Variants in RIOX2 observed in about 807,000 individuals in gnomAD.
RIOX2 encodes the protein 60S ribosomal protein L27a histidine hydroxylase.
RIOX2 carries 43 observed loss-of-function variants against 51.2 expected under a neutral mutation model. The ratio of observed to expected loss-of-function variants is 0.84; its 90% CI spans 0.66 to 1.08. The LOEUF (loss-of-function observed/expected upper bound fraction) is 1.08. Ranked by LOEUF, RIOX2 falls within the 50% of genes least tolerant of loss-of-function variation. The pLI, the probability that RIOX2 is intolerant of heterozygous loss-of-function variation, is 0.00. For missense variants in RIOX2, 566 were observed against 561.7 expected (o/e 1.01, Z -0.08); for synonymous variants, 226 against 218.5 (o/e 1.03, Z -0.30).
intron 8 of RIOX2, among the ~76,000 whole-genome samples, chr3:97,946,602 A>ATATATCTATATCTATATC (rs1553712271): frequency 1.5e-5 from 2 of 137,336 alleles, no homozygotes; most frequent in African/African-American, 5.3e-5. Flanking sequence ...ATATATATAT[A>ATATATCTATATCTATATC]TATATCTATT....
At chr3:97,959,271 T>A in intron 3 of RIOX2, 92 bp from the exon 4 acceptor site, 1 of 1,142,800 alleles carries the variant, frequency 8.8e-7, no homozygotes, top group South Asian at 1.7e-5. Context: ...AAGGGGCTAA[T>A]AGACAAATAT....
rs1705380607 is a variant in RIOX2 at position 97,954,443 on chromosome 3, G to C, written c.734C>G (p.Pro245Arg). The C allele has an allele frequency of 2.5e-6, 4 of 1,614,134 alleles. No homozygotes were observed. In the East Asian group the frequency reaches 8.9e-5, roughly 36 times the overall value. ...PRGTIHQADT[P>R]AGLAHSTHVT... ...GTGAGTAGAGTGGGCCAGCCCCGCAGGAGTGTCCGCTTGATGAATGGTTCC... is the reference window on the plus strand; with the variant it reads ...GTGAGTAGAGTGGGCCAGCCCCGCACGAGTGTCCGCTTGATGAATGGTTCC... The change falls in exon 5 of 10, where the codon CCT becomes CGT. Residue 245 changes from proline to arginine, a missense_variant. Pro to Arg is a moderately radical substitution (Grantham distance 103). Coordinates refer to ENST00000394198, the MANE Select transcript of RIOX2 (RefSeq NM_153182.4).
At chr3:97,947,496 G>T in intron 7 of RIOX2, 47 bp from the exon 8 acceptor site, 1 of 1,490,680 alleles carries the variant, frequency 6.7e-7, no homozygotes, top group South Asian at 1.1e-5. Context: ...AAAGGAAACA[G>T]GCAGATTCAA....
At chr3:97,952,158 A>C (rs752821524) in intron 5 of RIOX2, 2 of 1,288,650 alleles carry the variant, frequency 1.6e-6, no homozygotes, top group African/African-American at 3.0e-5. Context: ...TCACCTTTAC[A>C]TGGTACCTGA....
At chr3:97,948,341 T>C (rs1486801769) in intron 7 of RIOX2, among the ~76,000 whole-genome samples, 1 of 152,184 alleles carries the variant, frequency 6.6e-6, no homozygotes, top group Non-Finnish European at 1.5e-5. Context: ...TAAAAAATAC[T>C]CTTTTCACTC....
intron 8 of RIOX2, among the ~76,000 whole-genome samples, chr3:97,946,775 G>A (rs759597099): frequency 4.0e-5 from 6 of 151,748 alleles, no homozygotes; most frequent in East Asian, 1.9e-4. Flanking sequence ...GTATGAGATC[G>A]TTCCAAGGTC....
At chr3:97,947,124 C>T (rs2040384794) in intron 8 of RIOX2, among the ~76,000 whole-genome samples, 1 of 151,848 alleles carries the variant, frequency 6.6e-6, no homozygotes, top group African/African-American at 2.4e-5. Flanking sequence ...GAAGCAAAGA[C>T]CAGACATTAA....
chr3:97,953,886 C>A (rs1423397139), intron 5 of RIOX2: 1 of 153,824 alleles, frequency 6.5e-6, no homozygotes, highest in Non-Finnish European at 1.4e-5. Flanking sequence ...AAAAGAGAAA[C>A]CCTCAAAGAG....
intron 4 of RIOX2, among the ~76,000 whole-genome samples, chr3:97,956,518 C>T (rs1336177750): frequency 4.0e-5 from 6 of 148,576 alleles, no homozygotes; most frequent in Admixed American, 1.3e-4. Context: ...TTTTTTGAGA[C>T]GGAGTTTCGT....
At chr3:97,969,571 C>T (rs1377431707) in intron 1 of RIOX2, among the ~76,000 whole-genome samples, 1 of 152,194 alleles carries the variant, frequency 6.6e-6, no homozygotes, top group Admixed American at 6.5e-5. Context: ...CTAAAATGTA[C>T]AATCATTACA....
chr3:97,964,225 C>T (rs1290878175), intron 2 of RIOX2, among the ~76,000 whole-genome samples: 3 of 152,130 alleles, frequency 2.0e-5, no homozygotes, highest in South Asian at 2.1e-4. Flanking sequence ...TAGAAGACCA[C>T]GTATATGCCT....
At chr3:97,957,261 G>A (rs1450701697) in intron 4 of RIOX2, among the ~76,000 whole-genome samples, 1 of 152,140 alleles carries the variant, frequency 6.6e-6, no homozygotes, top group African/African-American at 2.4e-5. Flanking sequence ...CACTTTGGGA[G>A]GCCGAGGCAG....
At chr3:97,945,482 A>G in intron 9 of RIOX2, 140 bp from the exon 10 acceptor site, 2 of 742,868 alleles carry the variant, frequency 2.7e-6, no homozygotes, top group Non-Finnish European at 4.2e-6. Context: ...CAATTAGATA[A>G]CATAAAAGAT....
intron 8 of RIOX2, among the ~76,000 whole-genome samples, 179 bp downstream of exon 8, chr3:97,947,182 G>A (rs2040385989): frequency 6.6e-6 from 1 of 152,124 alleles, no homozygotes; most frequent in South Asian, 2.1e-4. Flanking sequence ...ATGAGGGCAA[G>A]AAAATATGGA....
intron 1 of RIOX2, chr3:97,972,087 T>C (rs1156261350): frequency 6.6e-6 from 1 of 152,052 alleles, no homozygotes; most frequent in African/African-American, 2.4e-5. Flanking sequence ...GTCACCGGTG[T>C]CGCGACCATT....
At position 97,967,185 on chromosome 3, in the gene RIOX2, A is replaced by T. The variant is rs1705920902; in HGVS notation, c.409T>A (p.Phe137Ile). Residue 137 changes from phenylalanine to isoleucine, a missense_variant, in exon 2 of 10, where the codon TTT (phenylalanine) becomes ATT (isoleucine). By Grantham distance (21) the Phe-to-Ile change is conservative. Coordinates refer to ENST00000394198, the MANE Select transcript of RIOX2 (RefSeq NM_153182.4). ...DFDQKRATIQ[F>I]HQPQRFKDEL... ...ACCTTAAATCTCTGAGGTTGGTGAA[A>T]CTGAATCGTTGCCCTTTTCTGATCA... is the stretch of plus-strand genomic sequence containing the variant. 1 of 1,613,866 alleles carries T rather than the reference A, an allele frequency of 6.2e-7. No individual in the cohort carries two copies. The highest frequency in any genetic ancestry group is 8.5e-7 in the Non-Finnish European group (1 of 1,179,914).
In RIOX2 at chr3:97,945,941, T is replaced by A. The variant is rs1287675421; in HGVS notation, c.1150-54A>T. 2.3e-6 allele frequency: 3 copies of A among 1,309,718 alleles called. No homozygotes were observed. The African/African-American group carries it at 4.3e-5, about 19-fold the overall frequency. The allele number at this position is 1,309,718 out of a possible 1,614,324, so 81.1% of individuals were successfully genotyped here. ...CATCAACAACACAACACTGAAGGTGTCAGTACTAGGAAGGTTTTCCAATAG... is the reference window on the plus strand; with the variant it reads ...CATCAACAACACAACACTGAAGGTGACAGTACTAGGAAGGTTTTCCAATAG... On this transcript the variant is annotated intron_variant, in intron 8 of 9. Coordinates refer to ENST00000394198, the MANE Select transcript of RIOX2 (RefSeq NM_153182.4).
intron 2 of RIOX2, among the ~76,000 whole-genome samples, chr3:97,964,845 T>C (rs1705822272): frequency 6.7e-6 from 1 of 150,284 alleles, no homozygotes. Context: ...AAAATGCAAA[T>C]AATTGTGATA....
chr3:97,948,367 C>T (rs929139483), intron 7 of RIOX2, among the ~76,000 whole-genome samples: 1 of 152,130 alleles, frequency 6.6e-6, no homozygotes, highest in Non-Finnish European at 1.5e-5. Flanking sequence ...TGAGAAAGAA[C>T]AGCAGCCAAA....
Sources: allele counts gnomAD v4.1 joint callset (sites outside exome capture counted in the v4.1 genomes callset), GRCh38; gene constraint gnomAD v4.1.1; transcripts MANE v1.5; gene names NCBI Gene and HGNC (gene_info 2026-07-23, HGNC 2026-07-21).